Variants in DMD observed in about 807,000 individuals in gnomAD.
DMD encodes the protein dystrophin, also known as mutant dystrophin.
In DMD, 63 loss-of-function variants were observed where a neutral mutation model predicts 330.1. That is an observed-to-expected ratio of 0.19 (90% confidence interval 0.16 to 0.24). The LOEUF (loss-of-function observed/expected upper bound fraction) is 0.24. DMD is among the 10% of genes least tolerant of loss of function. The pLI, the probability that DMD is intolerant of heterozygous loss-of-function variation, is 1.00. For missense variants in DMD, 3,344 were observed against 2,684.1 expected (o/e 1.25, Z -5.43); for synonymous variants, 1,223 against 959.8 (o/e 1.27, Z -5.07).
chrX:32,082,983 T>TC (rs1157922897), intron 44 of DMD, among the ~76,000 whole-genome samples: 1 of 111,948 alleles, frequency 8.9e-6, no homozygotes, highest in African/African-American at 3.3e-5. Flanking sequence ...GTCATTCTGT[T>TC]CCTATGTTTC....
intron 11 of DMD, among the ~76,000 whole-genome samples, chrX:32,635,257 A>T (rs1460925052): frequency 9.0e-6 from 1 of 111,447 alleles, no homozygotes; most frequent in Non-Finnish European, 1.9e-5. Flanking sequence ...TATTGCCTTT[A>T]CTACCCTCTT....
At chrX:31,270,222 T>C (rs2051520975) in intron 62 of DMD, among the ~76,000 whole-genome samples, 1 of 107,875 alleles carries the variant, frequency 9.3e-6, no homozygotes, top group Non-Finnish European at 1.9e-5. Context: ...GCCTAGAGCC[T>C]TGTAAATAGC....
At chrX:31,381,609 G>C (rs769271369) in intron 60 of DMD, among the ~76,000 whole-genome samples, 46 of 110,947 alleles carry the variant, frequency 4.1e-4, no homozygotes, top group African/African-American at 1.3e-3. Flanking sequence ...CCCCATGACT[G>C]TATCTCTGAT....
At chrX:32,252,725 A>AAAAT (rs2097272973) in intron 43 of DMD, among the ~76,000 whole-genome samples, 1 of 36,429 alleles carries the variant, frequency 2.7e-5, no homozygotes, top group Non-Finnish European at 4.1e-5. Flanking sequence ...AATATATATA[A>AAAAT]ATATATAAAT....
intron 1 of DMD, among the ~76,000 whole-genome samples, chrX:33,153,712 T>C (rs2048378258): frequency 8.9e-6 from 1 of 112,572 alleles, no homozygotes; most frequent in African/African-American, 3.2e-5. Context: ...AATACTCACT[T>C]CTTTACCTTT....
chrX:32,475,293 C>T (rs909297030), intron 21 of DMD, among the ~76,000 whole-genome samples: 12 of 111,263 alleles, frequency 1.1e-4, no homozygotes, highest in African/African-American at 3.3e-4. Context: ...TAGTGTGATG[C>T]CTCCAGATTT....
intron 21 of DMD, among the ~76,000 whole-genome samples, chrX:32,473,127 T>C (rs1434052961): frequency 9.0e-6 from 1 of 111,126 alleles, no homozygotes. Context: ...AGACACAAGA[T>C]TGAGAACGCT....
At chrX:32,552,386 T>C (rs1299949930) in intron 16 of DMD, among the ~76,000 whole-genome samples, 1 of 109,887 alleles carries the variant, frequency 9.1e-6, no homozygotes, top group African/African-American at 3.3e-5. Flanking sequence ...TGCCTATTCA[T>C]TGGACCCCTT....
chrX:32,424,819 T>C (rs1377122092), intron 29 of DMD, among the ~76,000 whole-genome samples: 2 of 109,349 alleles, frequency 1.8e-5, no homozygotes, highest in Admixed American at 9.8e-5. Flanking sequence ...ATACATGAAA[T>C]TCACATTTGA....
At chrX:33,094,666 G>A (rs1323527246) in intron 1 of DMD, among the ~76,000 whole-genome samples, 3 of 110,005 alleles carry the variant, frequency 2.7e-5, no homozygotes, top group African/African-American at 9.9e-5. Context: ...AAATTAGCTG[G>A]GCATCGTGGC....
At chrX:32,408,236 T>G (rs1342067250) in intron 30 of DMD, among the ~76,000 whole-genome samples, 1 of 111,948 alleles carries the variant, frequency 8.9e-6, no homozygotes, top group Non-Finnish European at 1.9e-5. Flanking sequence ...AAGTGTAAGC[T>G]TTGCTTCTGT....
intron 55 of DMD, among the ~76,000 whole-genome samples, chrX:31,604,528 G>C (rs767575773): frequency 7.2e-5 from 8 of 111,748 alleles, no homozygotes; most frequent in Non-Finnish European, 1.5e-4. Flanking sequence ...TTGTCTAGGA[G>C]TCACCTCAAT....
chrX:32,216,779 C>A, intron 44 of DMD, 137 bp downstream of exon 44: 1 of 558,801 alleles, frequency 1.8e-6, no homozygotes, highest in Non-Finnish European at 2.9e-6. Context: ...TGATAATTTT[C>A]TTTCTAGTAA....
At chrX:32,724,336 G>A (rs1283598843) in intron 7 of DMD, among the ~76,000 whole-genome samples, 2 of 111,481 alleles carry the variant, frequency 1.8e-5, no homozygotes, top group Non-Finnish European at 3.8e-5. Context: ...ATAAATTTCT[G>A]TTCAGTTCTT....
At chrX:33,064,161 C>T (rs778139026) in intron 1 of DMD, among the ~76,000 whole-genome samples, 1 of 110,793 alleles carries the variant, frequency 9.0e-6, no homozygotes, top group South Asian at 3.9e-4. Context: ...AATAACAATC[C>T]GTTCATTTTT....
chrX:31,517,762 G>A (rs1378667599), intron 55 of DMD, among the ~76,000 whole-genome samples: 1 of 111,250 alleles, frequency 9.0e-6, no homozygotes, highest in Non-Finnish European at 1.9e-5. Flanking sequence ...AAAAATAGCT[G>A]CATGTGTGAT....
At chrX:32,018,729 A>C (rs758052589) in intron 44 of DMD, among the ~76,000 whole-genome samples, 39 of 112,081 alleles carry the variant, frequency 3.5e-4, no homozygotes, top group Admixed American at 3.0e-3. Context: ...CCCTCCAATG[A>C]GAAGACATGT....
chrX:32,188,575 T>C (rs776356237), intron 44 of DMD, among the ~76,000 whole-genome samples: 1 of 107,582 alleles, frequency 9.3e-6, no homozygotes, highest in East Asian at 2.9e-4. Context: ...ATTTGGATGT[T>C]TTCCTGGACT....
Position 32,699,229 on chromosome X carries a change from A to T in DMD, c.714T>A (p.Val238=). The T allele has an allele frequency of 8.3e-7, 1 of 1,209,986 alleles. No individual in the cohort carries two copies. Among genetic ancestry groups the T allele is most frequent in the South Asian group, 1.8e-5 (1 of 56,939 alleles). Residue 238 remains valine, a synonymous_variant, in exon 8 of 79, where the codon GTT becomes GTA. Transcript: ENST00000357033. ...CTTCAATGCTCACTTGTTGAGGCAAAACTTGGAAGAGTGATGTGATGTACA... is the reference window on the plus strand; with the variant it reads ...CTTCAATGCTCACTTGTTGAGGCAATACTTGGAAGAGTGATGTGATGTACA... ...ILMYITSLFQ[V]LPQQVSIEAI...
Sources: gnomAD v4.1 joint callset for allele counts (sites outside exome capture counted in the v4.1 genomes callset) on GRCh38, gnomAD v4.1.1 for gene constraint, MANE v1.5 for transcripts, NCBI Gene and HGNC (gene_info 2026-07-23, HGNC 2026-07-21) for gene names.